The following GRHL2 variants were observed in gnomAD, a reference collection of about 807,000 sequenced individuals.
GRHL2 encodes grainyhead like transcription factor 2, also known as grainyhead-like protein 2 homolog.
Under a neutral mutation model 83.8 loss-of-function variants are expected in GRHL2, and 21 were observed. The ratio of observed to expected loss-of-function variants is 0.25; its 90% confidence interval spans 0.18 to 0.36. The LOEUF (loss-of-function observed/expected upper bound fraction) is 0.36. Among genes scored for constraint, GRHL2 ranks in the 10% least tolerant of loss-of-function variants. GRHL2 has a pLI of 1.00. For synonymous variants in GRHL2, 280 were observed against 278.9 expected, an observed-to-expected ratio of 1.00 and a Z score of -0.04; for missense variants, 623 against 781.8, an observed-to-expected ratio of 0.80 and a Z score of 2.42.
At chr8:101,494,536 C>T (rs674788) in intron 1 of GRHL2, among the ~76,000 whole-genome samples, 122,037 of 152,060 alleles carry the variant, frequency 0.8, 50,742 homozygotes, top group Non-Finnish European at 0.93. Flanking sequence ...GGAAACACGA[C>T]TCGAGTTTGA....
At position 101,608,776 on chromosome 8, in the gene GRHL2, C is replaced by T. The variant is rs981898478; in HGVS notation, c.1098+9625C>T. The stretch of plus-strand genomic sequence containing the variant: ...ACACACACACACACACACACACACA[C>T]ACCTACACCTCATTTCTAAGTACTT... On this transcript the variant is annotated intron_variant, in intron 8 of 15. Coordinates refer to ENST00000646743, the MANE Select transcript of GRHL2 (RefSeq NM_024915.4). Among the ~76,000 whole-genome samples the T allele has an allele frequency of 4.4e-3, 564 of 128,114 alleles. 38 individuals carry two copies. Among genetic ancestry groups the T allele is most frequent in the African/African-American group, 0.017 (514 of 30,962 alleles). The allele number at this position is 128,114 out of a possible 152,430, so 84.0% of individuals were successfully genotyped here. A position where few individuals can be genotyped will look rare whatever the true frequency, so the allele number is the denominator to read the frequency against.
intron 13 of GRHL2, among the ~76,000 whole-genome samples, chr8:101,645,658 T>A (rs911132247): frequency 6.6e-6 from 1 of 152,078 alleles, no homozygotes; most frequent in African/African-American, 2.4e-5. Context: ...TAGAGCTGTG[T>A]GAGGACTGAG....
intron 9 of GRHL2, among the ~76,000 whole-genome samples, chr8:101,621,983 A>G (rs1233394750): frequency 6.6e-6 from 1 of 152,224 alleles, no homozygotes; most frequent in African/African-American, 2.4e-5. Flanking sequence ...ATGCATTTAA[A>G]TACATATGCT....
At chr8:101,500,792 T>C (rs1348615292) in intron 1 of GRHL2, among the ~76,000 whole-genome samples, 2 of 152,102 alleles carry the variant, frequency 1.3e-5, no homozygotes, top group Non-Finnish European at 2.9e-5. Context: ...ATTACAGGCA[T>C]GAACCACCAC....
In GRHL2 at chr8:101,543,229, T is replaced by C. The variant is rs1222264195; in HGVS notation, c.21-12T>C. ...TCTGAAAATGAACCTCACATTTCTC[T>C]TGTTTTTACAGTAATAAAAGACTAG... On this transcript the variant is annotated splice_polypyrimidine_tract_variant and intron_variant, in intron 1 of 15. Transcript: ENST00000646743. The C allele has an allele frequency of 6.2e-7, 1 of 1,611,402 alleles. No homozygotes were observed. Among genetic ancestry groups the C allele is most frequent in the Non-Finnish European group, 8.5e-7 (1 of 1,177,454 alleles).
downstream of GRHL2, among the ~76,000 whole-genome samples, chr8:101,673,153 C>A (rs1391450730): frequency 6.6e-6 from 1 of 151,296 alleles, no homozygotes; most frequent in Non-Finnish European, 1.5e-5. Context: ...AACTAATGAG[C>A]AAAATAACCA....
intron 1 of GRHL2, among the ~76,000 whole-genome samples, chr8:101,539,448 C>A (rs1811107777): frequency 6.6e-6 from 1 of 152,146 alleles, no homozygotes; most frequent in Admixed American, 6.6e-5. Flanking sequence ...CCGAGGGTGG[C>A]CCCAACTAAT....
intron 8 of GRHL2, among the ~76,000 whole-genome samples, chr8:101,615,580 C>T (rs769972751): frequency 2.0e-5 from 3 of 152,172 alleles, no homozygotes; most frequent in African/African-American, 7.2e-5. Flanking sequence ...ATGGCCAAAA[C>T]GATGAACAAC....
intron 7 of GRHL2, among the ~76,000 whole-genome samples, chr8:101,581,675 A>C (rs1428373074): frequency 6.6e-6 from 1 of 152,194 alleles, no homozygotes; most frequent in African/African-American, 2.4e-5. Flanking sequence ...AGTTTACTGA[A>C]CACCTACTAT....
chr8:101,496,289 T>G (rs1563550016), intron 1 of GRHL2, among the ~76,000 whole-genome samples: 1 of 137,390 alleles, frequency 7.3e-6, no homozygotes, highest in Non-Finnish European at 1.5e-5. Flanking sequence ...AAGTTATAGG[T>G]CTCTCATGTG....
chr8:101,566,564 A>C (rs1304826293), intron 4 of GRHL2, among the ~76,000 whole-genome samples: 1 of 147,218 alleles, frequency 6.8e-6, no homozygotes, highest in Non-Finnish European at 1.5e-5. Flanking sequence ...TTTATGTTAT[A>C]ACTATAATAA....
intron 8 of GRHL2, among the ~76,000 whole-genome samples, chr8:101,603,458 A>G (rs2130324511): frequency 6.6e-6 from 1 of 152,360 alleles, no homozygotes; most frequent in South Asian, 2.1e-4. Context: ...TTGCTGACTT[A>G]CATTTTATTT....
chr8:101,519,558 CTT>C (rs1156774756), intron 1 of GRHL2, among the ~76,000 whole-genome samples: 12 of 130,274 alleles, frequency 9.2e-5, no homozygotes, highest in Admixed American at 1.6e-4. Flanking sequence ...CCATGACCAG[CTT>C]TTTTTTTTTT....
At chr8:101,676,771 T>C in the GRHL2 span, among the ~76,000 whole-genome samples, 5 of 152,194 alleles carry the variant, frequency 3.3e-5, no homozygotes, top group East Asian at 1.9e-4. Context: ...CATATGTTTA[T>C]TGCGGTACTA....
intron 7 of GRHL2, among the ~76,000 whole-genome samples, chr8:101,598,525 C>A (rs1311048867): frequency 1.3e-5 from 2 of 151,770 alleles, no homozygotes; most frequent in Non-Finnish European, 2.9e-5. Context: ...CAGGCATGAG[C>A]CACCACACCC....
chr8:101,537,383 T>C (rs1046006086), intron 1 of GRHL2, among the ~76,000 whole-genome samples: 3 of 152,124 alleles, frequency 2.0e-5, no homozygotes, highest in South Asian at 2.1e-4. Context: ...TAGGAAAGAA[T>C]GGTTGGCTAA....
intron 1 of GRHL2, among the ~76,000 whole-genome samples, chr8:101,500,881 G>A (rs919433500): frequency 6.6e-6 from 1 of 151,920 alleles, no homozygotes; most frequent in African/African-American, 2.4e-5. Flanking sequence ...GGATTATAAT[G>A]GGTTAAGTGG....
chr8:101,653,599 TG>T (rs1813717802), intron 14 of GRHL2, among the ~76,000 whole-genome samples: 1 of 152,068 alleles, frequency 6.6e-6, no homozygotes, highest in Non-Finnish European at 1.5e-5. Context: ...GAAAATTAGC[TG>T]AGTGTGCTGG....
intron 8 of GRHL2, among the ~76,000 whole-genome samples, chr8:101,608,544 G>A (rs1021109559): frequency 1.3e-5 from 2 of 152,150 alleles, no homozygotes; most frequent in South Asian, 4.1e-4. Context: ...GTGACAGTGG[G>A]TCTATGGGAG....
Sources: gnomAD v4.1 joint callset for allele counts (sites outside exome capture counted in the v4.1 genomes callset) on GRCh38, gnomAD v4.1.1 for gene constraint, MANE v1.5 for transcripts, NCBI Gene and HGNC (gene_info 2026-07-23, HGNC 2026-07-21) for gene names.